The following FOCAD variants were observed in gnomAD, a reference collection of about 807,000 sequenced individuals.
FOCAD encodes the protein KIAA1797.
In FOCAD, 198 loss-of-function variants were observed where a neutral mutation model predicts 225.6. The observed-to-expected ratio is 0.88, with a 90% CI of 0.78 to 0.99. The LOEUF (loss-of-function observed/expected upper bound fraction) is 0.99, where lower values mean the gene tolerates loss of function less well. Ranked by LOEUF, FOCAD falls within the 50% of genes least tolerant of loss-of-function variation. The pLI, the probability that FOCAD is intolerant of heterozygous loss-of-function variation, is 0.00. For missense variants in FOCAD, 2,713 were observed against 2,123.6 expected (o/e 1.28, Z -5.46); for synonymous variants, 897 against 755.0 (o/e 1.19, Z -3.08).
intron 24 of FOCAD, among the ~76,000 whole-genome samples, chr9:20,919,038 C>T (rs992186893): frequency 6.6e-6 from 1 of 152,028 alleles, no homozygotes; most frequent in Non-Finnish European, 1.5e-5. Flanking sequence ...CAAAAAGTGA[C>T]ATACCAATCA....
intron 35 of FOCAD, among the ~76,000 whole-genome samples, chr9:20,960,501 G>A (rs536902949): frequency 1.2e-4 from 18 of 152,186 alleles, no homozygotes; most frequent in Admixed American, 1.1e-3. Flanking sequence ...TCACCGATTA[G>A]TTTTAGCATT....
At chr9:20,684,879 TGAA>T (rs1310146102) in intron 1 of FOCAD, among the ~76,000 whole-genome samples, 1 of 152,240 alleles carries the variant, frequency 6.6e-6, no homozygotes, top group Non-Finnish European at 1.5e-5. Flanking sequence ...GGCAATTACT[TGAA>T]GAAAGAGTAT....
chr9:20,667,079 T>C lies in FOCAD; in HGVS notation c.-78+8253T>C, dbSNP rs187659431. Among the ~76,000 whole-genome samples the C allele has an allele frequency of 3.6e-3, 556 of 152,350 alleles. 3 individuals are homozygous for C. The highest frequency in any genetic ancestry group is 0.013 in the African/African-American group (525 of 41,578). On this transcript the variant is annotated intron_variant, in intron 2 of 45. Coordinates refer to the FOCAD transcript ENST00000380249. ...TGGCAAATTTCACAGTTTCCTCCAT[T>C]GTTCTCTGAAGCTACTAATAATTAC...
At chr9:20,730,244 C>T (rs1458955591) in intron 4 of FOCAD, among the ~76,000 whole-genome samples, 2 of 152,092 alleles carry the variant, frequency 1.3e-5, no homozygotes, top group Non-Finnish European at 2.9e-5. Context: ...TCCATTAATT[C>T]ATTAGGGATT....
At chr9:20,884,721 T>G (rs1017415613) in intron 20 of FOCAD, among the ~76,000 whole-genome samples, 4 of 152,196 alleles carry the variant, frequency 2.6e-5, no homozygotes, top group African/African-American at 9.6e-5. Flanking sequence ...CTATCCAGAT[T>G]GATTATCAGT....
At chr9:20,914,266 G>A (rs1833691744) in intron 23 of FOCAD, among the ~76,000 whole-genome samples, 1 of 152,118 alleles carries the variant, frequency 6.6e-6, no homozygotes, top group African/African-American at 2.4e-5. Context: ...TCATGTGCCA[G>A]GCACTGTTCT....
At chr9:20,771,886 T>C (rs776164024) in intron 8 of FOCAD, among the ~76,000 whole-genome samples, 29 of 152,340 alleles carry the variant, frequency 1.9e-4, no homozygotes, top group Middle Eastern at 3.4e-3. Flanking sequence ...CCTCGCATGA[T>C]AGGGAGAGTA....
chr9:20,950,087 A>G (rs1312588562), intron 33 of FOCAD, among the ~76,000 whole-genome samples: 1 of 152,118 alleles, frequency 6.6e-6, no homozygotes, highest in Non-Finnish European at 1.5e-5. Flanking sequence ...ATCCTTGACT[A>G]AAGAATAGAC....
chr9:20,953,083 T>G lies in FOCAD; in HGVS notation c.4132+18T>G, dbSNP rs572041007. ...AAAAAAAGGCAAGTGAGCACATTTC[T>G]TGAATTTTATCATTCTATCTCCATG... On this transcript the variant is annotated intron_variant, in intron 35 of 43. Transcript: ENST00000338382. The G allele has an allele frequency of 1.3e-6, 2 of 1,588,522 alleles. No homozygotes were observed. Among genetic ancestry groups the G allele is most frequent in the African/African-American group, 2.7e-5 (2 of 74,520 alleles).
At chr9:20,955,777 G>T (rs1242243739) in intron 35 of FOCAD, among the ~76,000 whole-genome samples, 1 of 151,464 alleles carries the variant, frequency 6.6e-6, no homozygotes, top group Non-Finnish European at 1.5e-5. Context: ...TTATTCTTTT[G>T]TCTGATTTCT....
intron 41 of FOCAD, among the ~76,000 whole-genome samples, chr9:20,988,690 A>C (rs2132686109): frequency 6.6e-6 from 1 of 152,166 alleles, no homozygotes; most frequent in Admixed American, 6.5e-5. Context: ...GGAGACACCC[A>C]AGGCTGCCCT....
intron 10 of FOCAD, among the ~76,000 whole-genome samples, chr9:20,784,663 A>G (rs1420724745): frequency 6.6e-6 from 1 of 152,168 alleles, no homozygotes; most frequent in Non-Finnish European, 1.5e-5. Context: ...ATTCATTCTT[A>G]TGTGTTTTTA....
chr9:20,723,201 T>C (rs1459315324), intron 4 of FOCAD, among the ~76,000 whole-genome samples: 1 of 152,194 alleles, frequency 6.6e-6, no homozygotes, highest in African/African-American at 2.4e-5. Context: ...AAAATGTGTT[T>C]TTTGGGTGAG....
At chr9:20,921,483 G>T (rs1160111212) in intron 24 of FOCAD, among the ~76,000 whole-genome samples, 1 of 152,116 alleles carries the variant, frequency 6.6e-6, no homozygotes, top group Non-Finnish European at 1.5e-5. Context: ...CACCTCTCCA[G>T]CTCCTCCTTG....
intron 35 of FOCAD, among the ~76,000 whole-genome samples, chr9:20,974,456 T>C (rs541492570): frequency 2.8e-5 from 3 of 106,080 alleles, no homozygotes; most frequent in African/African-American, 7.5e-5. Context: ...TTTTCACTTT[T>C]GCTGTCTCTG....
At chr9:20,888,520 G>C (rs1831321333) in intron 21 of FOCAD, among the ~76,000 whole-genome samples, 1 of 151,884 alleles carries the variant, frequency 6.6e-6, no homozygotes. Context: ...AATGGTTCTT[G>C]CTTTTTGTTT....
chr9:20,901,192 A>ATGTGTG lies in FOCAD; in HGVS notation c.2626-5922_2626-5917dup, dbSNP rs71334562. Among the ~76,000 whole-genome samples, 2,459 of 105,646 alleles carry ATGTGTG rather than the reference A, an allele frequency of 0.023. 99 individuals are homozygous for ATGTGTG. The East Asian group carries it at 0.29, about 12-fold the overall frequency. 69.3% of individuals were successfully genotyped at this position (105,646 alleles called of 152,430 possible). A position where few individuals can be genotyped will look rare whatever the true frequency, so the allele number is the denominator to read the frequency against. On this transcript the variant is annotated intron_variant, in intron 21 of 43. Coordinates refer to ENST00000338382, the MANE Select transcript of FOCAD (RefSeq NM_001375567.1). ...TTTTTTTTCTGGGAATGTGGAAACA[A>ATGTGTG]TGTGTGTGTGTGTGTGTGTGTGTGT...
At chr9:20,970,709 A>C (rs1839691751) in intron 35 of FOCAD, among the ~76,000 whole-genome samples, 1 of 152,036 alleles carries the variant, frequency 6.6e-6, no homozygotes, top group African/African-American at 2.4e-5. Context: ...ATTTTCTGTT[A>C]ATTTCTTCTG....
At chr9:20,893,018 A>T (rs1372404189) in intron 21 of FOCAD, among the ~76,000 whole-genome samples, 1 of 151,832 alleles carries the variant, frequency 6.6e-6, no homozygotes, top group Non-Finnish European at 1.5e-5. Context: ...TCAAATATTT[A>T]AAAAAAAATT....
Sources: gnomAD v4.1 joint callset for allele counts (sites outside exome capture counted in the v4.1 genomes callset) on GRCh38, gnomAD v4.1.1 for gene constraint, MANE v1.5 for transcripts, NCBI Gene and HGNC (gene_info 2026-07-23, HGNC 2026-07-21) for gene names.